DNAH1: variants seen among roughly 807,000 people sequenced by gnomAD.
DNAH1 encodes dynein axonemal heavy chain 1, also known as axonemal beta dynein heavy chain 1.
DNAH1 carries 327 observed loss-of-function variants against 484.3 expected under a neutral mutation model. The ratio of observed to expected loss-of-function variants is 0.68; its 90% CI spans 0.62 to 0.74. DNAH1 has a LOEUF of 0.74. Ranked by LOEUF, DNAH1 falls within the 30% of genes least tolerant of loss-of-function variation. The pLI is 0.00. For synonymous variants in DNAH1, 2,192 were observed against 2,191.9 expected (o/e 1.00, Z 0.00); for missense variants, 5,052 against 5,546.8 (o/e 0.91, Z 2.83).
intron 42 of DNAH1, 40 bp downstream of exon 42, chr3:52,372,126 G>A: frequency 4.3e-6 from 7 of 1,611,142 alleles, no homozygotes; most frequent in Middle Eastern, 1.7e-4. Context: ...TGTCCCCAAG[G>A]CCTATATTGG....
upstream of DNAH1, among the ~76,000 whole-genome samples, chr3:52,313,494 A>G (rs953954877): frequency 2.6e-5 from 4 of 152,170 alleles, no homozygotes; most frequent in Admixed American, 1.3e-4. Context: ...CCACTCTGCC[A>G]TGACTTTGGG....
rs370930322 is a variant in DNAH1 at position 52,323,827 on chromosome 3, G to A, written c.353G>A (p.Arg118Gln). The change falls in exon 3 of 78, where the codon CGA (arginine) becomes CAA (glutamine). Residue 118 changes from arginine (R) to glutamine (Q), a missense_variant. Physicochemically the swap from Arg to Gln is conservative, Grantham distance 43 (BLOSUM62 1). Around this residue, in one of 4 missense-constraint regions of DNAH1, gnomAD observed 1,263 missense variants for 1,218.8 expected, o/e 1.04. Transcript: ENST00000420323. ...TTTCAGGAGGTATGTCGTGGCCCCCGAATGAGCCAGAACCTCCTGCGGCAG... is the reference window on the plus strand; with the variant it reads ...TTTCAGGAGGTATGTCGTGGCCCCCAAATGAGCCAGAACCTCCTGCGGCAG... Reference protein sequence around the residue: ...DQLGEVCRGPRMSQNLLRQAD... With the variant: ...DQLGEVCRGPQMSQNLLRQAD... 13 of 1,589,562 alleles carry A rather than the reference G, an allele frequency of 8.2e-6. No homozygotes were observed. Among genetic ancestry groups the A allele is most frequent in the Admixed American group, 5.3e-5 (3 of 56,520 alleles).
chr3:52,400,062 G>A (rs576102303), intron 77 of DNAH1, among the ~76,000 whole-genome samples: 1 of 152,288 alleles, frequency 6.6e-6, no homozygotes, highest in Admixed American at 6.5e-5. Flanking sequence ...GGTAACTGAG[G>A]CCCAGGGCAG....
Position 52,322,776 on chromosome 3 carries a change from G to A in DNAH1, c.333+1G>A, listed in dbSNP as rs769297188. ...CCCTGGAACCTTAGATCAACTTGGG[G>A]TGAGTATGGCAGCCATCCCCTACCA... On this transcript the variant is annotated splice_donor_variant, in intron 2 of 77. Transcript: ENST00000420323. LOFTEE classifies it high-confidence loss of function. 2 of 1,594,900 alleles carry A rather than the reference G, an allele frequency of 1.3e-6. No homozygotes were observed. The highest frequency in any genetic ancestry group is 1.7e-6 in the Non-Finnish European group (2 of 1,170,698).
intron 53 of DNAH1, 87 bp downstream of exon 53, chr3:52,385,064 T>C: frequency 6.9e-7 from 1 of 1,439,204 alleles, no homozygotes; most frequent in Non-Finnish European, 9.3e-7. Flanking sequence ...GACACCATGC[T>C]CCGCCTTTCA....
At chr3:52,335,550 CCA>C (rs2153223387) in intron 8 of DNAH1, among the ~76,000 whole-genome samples, 1 of 152,132 alleles carries the variant, frequency 6.6e-6, no homozygotes, top group East Asian at 1.9e-4. Flanking sequence ...CTCAGGTGAT[CCA>C]CCTGCCTCGG....
In DNAH1 at chr3:52,349,190, C is replaced by T. The variant is rs2153223902; in HGVS notation, c.2301-5C>T. ...TGCCCCCTCCCGTGTGCTTGCTGTC[C>T]TCAGAACCTACCAGACGCAGGGCCT... On this transcript the variant is annotated splice_region_variant and splice_polypyrimidine_tract_variant and intron_variant, in intron 13 of 77. Coordinates refer to ENST00000420323, the MANE Select transcript of DNAH1 (RefSeq NM_015512.5). 1.2e-6 allele frequency: 2 copies of T among 1,613,182 alleles called. No homozygotes were observed. Among genetic ancestry groups the T allele is most frequent in the Non-Finnish European group, 1.7e-6 (2 of 1,179,500 alleles).
At chr3:52,389,372 TG>T (rs1704264548) in intron 59 of DNAH1, 88 bp from the exon 60 acceptor site, 2 of 1,569,052 alleles carry the variant, frequency 1.3e-6, no homozygotes, top group Admixed American at 3.6e-5. Flanking sequence ...CTCAGATCTC[TG>T]CAACTGCCAA....
intron 60 of DNAH1, among the ~76,000 whole-genome samples, chr3:52,390,666 T>C (rs565561993): frequency 6.6e-6 from 1 of 152,130 alleles, no homozygotes; most frequent in Admixed American, 6.5e-5. Flanking sequence ...TCTGTGGGTT[T>C]CTCTGTCCAT....
rs770199041 is a variant in DNAH1, at chr3:52,370,014, C to G, written c.6133C>G (p.Leu2045Val). 8 of 1,612,946 alleles carry G rather than the reference C, an allele frequency of 5.0e-6. No homozygotes were observed. Among genetic ancestry groups the G allele is most frequent in the Non-Finnish European group, 6.8e-6 (8 of 1,179,190 alleles). Residue 2045 changes from leucine (L) to valine (V), a missense_variant, in exon 38 of 78, where the codon CTG (leucine) becomes GTG (valine). Coordinates refer to ENST00000420323, the MANE Select transcript of DNAH1 (RefSeq NM_015512.5). ...TTTCAAGGCCCTCTTTGTCAGCTTC[C>G]TGGAGGTGAGTGAGGCCACGGGTAT... is the stretch of plus-strand genomic sequence containing the variant. ...EHFKALFVSF[L>V]EESISFVRSS... is the part of the protein sequence containing the mutation.
At position 52,323,826 on chromosome 3, in the gene DNAH1, C is replaced by G. The variant is rs201474620; in HGVS notation, c.352C>G (p.Arg118Gly). ...DQLGEVCRGP[R>G]MSQNLLRQAD... is the part of the protein sequence containing the mutation. ...GTTTCAGGAGGTATGTCGTGGCCCC[C>G]GAATGAGCCAGAACCTCCTGCGGCA... Residue 118 changes from arginine to glycine, a missense_variant, in exon 3 of 78, where the codon CGA becomes GGA. This residue lies in a region of DNAH1 where 1,263 missense variants were observed against 1,218.8 expected (regional missense o/e 1.04). Transcript: ENST00000420323. 1.3e-6 allele frequency: 2 copies of G among 1,590,568 alleles called. No individual in the cohort carries two copies. The highest frequency in any genetic ancestry group is 1.7e-6 in the Non-Finnish European group (2 of 1,168,526).
At chr3:52,373,902 G>A in intron 44 of DNAH1, 1 of 1,380,296 alleles carries the variant, frequency 7.2e-7, no homozygotes, top group Non-Finnish European at 1.0e-6. Context: ...CAATCCTACG[G>A]GAGCAGAATT....
At position 52,362,271 on chromosome 3, in the gene DNAH1, C is replaced by G. The variant is rs898196432; in HGVS notation, c.4981-117C>G. 6.0e-6 allele frequency: 5 copies of G among 829,086 alleles called. No individual in the cohort carries two copies. Among genetic ancestry groups the G allele is most frequent in the Non-Finnish European group, 9.8e-6 (5 of 510,048 alleles). 51.4% of individuals were successfully genotyped at this position (829,086 alleles called of 1,614,324 possible). A position where few individuals can be genotyped will look rare whatever the true frequency, so the allele number is the denominator to read the frequency against. On this transcript the variant is annotated intron_variant, in intron 30 of 77. Coordinates refer to ENST00000420323, the MANE Select transcript of DNAH1 (RefSeq NM_015512.5). This position sits in a 1 kb window ranked among gnomAD's most constrained non-coding sequence, Gnocchi z 5.1. ...ACAACCCATGATCAGGGGTCCAGGC[C>G]TGGCCTACCAGCTACAGCCAGGACA...
Position 52,349,010 on chromosome 3 carries a change from A to C in DNAH1, c.2229A>C (p.Pro743=). Residue 743 remains proline, a synonymous_variant, in exon 13 of 78, where the codon CCA becomes CCC. Transcript: ENST00000420323. ...IASAVSKAMI[P]LQAYAKEYRK... is the part of the protein sequence containing the mutation. ...GTGCCGTGTCCAAGGCCATGATCCC[A>C]CTGCAGGCCTACGCCAAGGAGTACC... The C allele has an allele frequency of 6.2e-7, 1 of 1,613,322 alleles. No homozygotes were observed. Among genetic ancestry groups the C allele is most frequent in the Non-Finnish European group, 8.5e-7 (1 of 1,179,900 alleles).
intron 11 of DNAH1, 28 bp downstream of exon 11, chr3:52,346,798 G>A: frequency 6.3e-7 from 1 of 1,583,000 alleles, no homozygotes; most frequent in Non-Finnish European, 8.6e-7. Context: ...GGAGGCACCT[G>A]TTGACACCAG....
Position 52,376,000 on chromosome 3 carries a change from G to T in DNAH1, c.7198+7G>T. The T allele has an allele frequency of 6.2e-7, 1 of 1,611,690 alleles. No individual in the cohort carries two copies. Among genetic ancestry groups the T allele is most frequent in the South Asian group, 1.1e-5 (1 of 90,658 alleles). On this transcript the variant is annotated splice_region_variant and intron_variant, in intron 46 of 77. Coordinates refer to ENST00000420323, the MANE Select transcript of DNAH1 (RefSeq NM_015512.5). Reference sequence around the variant, plus strand: ...AGCTACCGGGAGCGTGTGCGTAAGTGTGGGCCTGGGCGGGAATGGGGCACT... The same window carrying T: ...AGCTACCGGGAGCGTGTGCGTAAGTTTGGGCCTGGGCGGGAATGGGGCACT...
Position 52,361,357 on chromosome 3 carries a change from G to A in DNAH1, c.4874+5G>A, listed in dbSNP as rs1282136699. 3 of 1,570,842 alleles carry A rather than the reference G, an allele frequency of 1.9e-6. No individual in the cohort carries two copies. Among genetic ancestry groups the A allele is most frequent in the Non-Finnish European group, 2.6e-6 (3 of 1,156,918 alleles). On this transcript the variant is annotated splice_donor_5th_base_variant and intron_variant, in intron 29 of 77. Transcript: ENST00000420323. This position sits in a 1 kb window ranked among gnomAD's most constrained non-coding sequence, Gnocchi z 5.6. ...GTTCTTCAAGGGCCTGGCCAGGTGAGGCTGGGCATGAGCGTGGCACAGGAT... is the reference window on the plus strand; with the variant it reads ...GTTCTTCAAGGGCCTGGCCAGGTGAAGCTGGGCATGAGCGTGGCACAGGAT...
At chr3:52,317,956 G>C (rs1701010781) in intron 1 of DNAH1, 1 of 152,628 alleles carries the variant, frequency 6.6e-6, no homozygotes, top group Non-Finnish European at 1.5e-5. Context: ...GCGGGACCTC[G>C]AAAAGGCGCG....
intron 54 of DNAH1, 85 bp from the exon 55 acceptor site, chr3:52,386,075 C>T (rs990985861): frequency 3.3e-5 from 48 of 1,436,070 alleles, no homozygotes; most frequent in Non-Finnish European, 4.2e-5. Flanking sequence ...GAGAACAGGG[C>T]ACCCCAACTC....
Sources: allele counts gnomAD v4.1 joint callset (sites outside exome capture counted in the v4.1 genomes callset), GRCh38; gene constraint gnomAD v4.1.1; regional missense constraint gnomAD v4.1.1; non-coding constraint Gnocchi (gnomAD v3.1); transcripts MANE v1.5; gene names NCBI Gene and HGNC (gene_info 2026-07-23, HGNC 2026-07-21).